Variants in DENND2D observed in about 807,000 individuals in gnomAD.
DENND2D encodes the protein DENN domain-containing protein 2D.
Under a neutral mutation model 59.8 loss-of-function variants are expected in DENND2D, and 37 were observed. The observed-to-expected ratio is 0.62, with a 90% confidence interval of 0.48 to 0.81. The LOEUF (loss-of-function observed/expected upper bound fraction) is 0.81. Among genes scored for constraint, DENND2D ranks in the 40% least tolerant of loss-of-function variants. The pLI is 0.00. For synonymous variants in DENND2D, 219 were observed against 211.3 expected (o/e 1.04, Z -0.31); for missense variants, 525 against 579.7 (o/e 0.91, Z 0.97).
intron 2 of DENND2D, 90 bp downstream of exon 2, chr1:111,199,533 G>C: frequency 6.9e-7 from 1 of 1,443,140 alleles, no homozygotes; most frequent in South Asian, 1.3e-5. Context: ...AGCCCCGGTA[G>C]GGTAGGGAGA....
In DENND2D at chr1:111,188,763, C is replaced by T. The variant is rs1657459431; in HGVS notation, c.1038G>A (p.Leu346=). The T allele has an allele frequency of 6.2e-7, 1 of 1,613,936 alleles. No homozygotes were observed. Among genetic ancestry groups the T allele is most frequent in the Non-Finnish European group, 8.5e-7 (1 of 1,180,010 alleles). ...LMSVGDEKDI[L]PPKLQDDILD... is the part of the protein sequence containing the mutation. The stretch of plus-strand genomic sequence containing the variant: ...AGATGTCATCCTGAAGCTTCGGTGG[C>T]AGGATGTCTTTTTCATCACCAACCT... Residue 346 remains leucine, a synonymous_variant, in exon 10 of 12, where the codon CTG becomes CTA. Transcript: ENST00000357640.
chr1:111,204,209 C>T, upstream of DENND2D: 1 of 1,335,680 alleles, frequency 7.5e-7, no homozygotes, highest in Non-Finnish European at 9.7e-7. Context: ...CCCCGTGCCG[C>T]CCTCCACCGG....
chr1:111,188,063 CT>C, intron 11 of DENND2D, 67 bp downstream of exon 11: 1 of 1,566,794 alleles, frequency 6.4e-7, no homozygotes, highest in Non-Finnish European at 8.6e-7. Flanking sequence ...AGTATTCTTT[CT>C]TTCCCCTCCT....
upstream of DENND2D, chr1:111,204,367 C>T (rs1235315586): frequency 7.0e-7 from 1 of 1,420,064 alleles, no homozygotes; most frequent in Non-Finnish European, 9.2e-7. Context: ...CCCTGGAGTG[C>T]CCGGCTCCCG....
At position 111,196,024 on chromosome 1, in the gene DENND2D, G is replaced by T. The variant is rs754764614; in HGVS notation, c.537C>A (p.Ile179=). The T allele has an allele frequency of 1.2e-6, 2 of 1,613,402 alleles. No individual in the cohort carries two copies. The highest frequency in any genetic ancestry group is 1.7e-6 in the Non-Finnish European group (2 of 1,179,672). ...ILDEVEKRHQ[I]SMAVIYPFMQ... is the part of the protein sequence containing the mutation. The stretch of plus-strand genomic sequence containing the variant: ...TGAACGGGTAGATGACAGCCATGGA[G>T]ATCTGATGTCTCTTCTCCACTTCAT... The change falls in exon 6 of 12, where the codon ATC becomes ATA. Residue 179 remains isoleucine (I), a synonymous_variant. Coordinates refer to ENST00000357640, the MANE Select transcript of DENND2D (RefSeq NM_024901.5).
In DENND2D at chr1:111,188,772, T is replaced by C. The variant is rs747395489; in HGVS notation, c.1029A>G (p.Lys343=). 2.5e-6 allele frequency: 4 copies of C among 1,613,656 alleles called. No homozygotes were observed. In the African/African-American group the frequency reaches 5.3e-5, roughly 22 times the overall value. The change falls in exon 10 of 12, where the codon AAA becomes AAG. Residue 343 remains lysine, a synonymous_variant. Coordinates refer to ENST00000357640, the MANE Select transcript of DENND2D (RefSeq NM_024901.5). ...GTFLMSVGDE[K]DILPPKLQDD... is the part of the protein sequence containing the mutation. ...CCTGAAGCTTCGGTGGCAGGATGTC[T>C]TTTTCATCACCAACCTAGAAGAGGA...
rs188456192 is a variant in DENND2D at position 111,194,931 on chromosome 1, C to T, written c.646-205G>A. 3.6e-3 allele frequency among the ~76,000 whole-genome samples: 553 copies of T among 152,176 alleles called. 12 individuals are homozygous for T. Among genetic ancestry groups the T allele is most frequent in the Non-Finnish European group, 8.2e-4 (56 of 68,008 alleles). On this transcript the variant is annotated intron_variant, in intron 6 of 11. Transcript: ENST00000357640. ...ATAATGTCCTGCACCCTCCCTCACT[C>T]GCCTCCCCGAGCACACGCCCCTCTC...
rs1221443137 is a variant in DENND2D at position 111,196,060 on chromosome 1, CA to C, written c.505-5del. 3 of 1,604,546 alleles carry C rather than the reference CA, an allele frequency of 1.9e-6. No homozygotes were observed. Among genetic ancestry groups the C allele is most frequent in the Non-Finnish European group, 2.6e-6 (3 of 1,174,618 alleles). On this transcript the variant is annotated splice_polypyrimidine_tract_variant and splice_region_variant and intron_variant, in intron 5 of 11. Transcript: ENST00000357640. ...TCTTCTCCACTTCATCCAGGATCTG[CA>C]GGGAAAAGAACCACGGGAGGCACGG...
intron 7 of DENND2D, among the ~76,000 whole-genome samples, chr1:111,194,307 C>T (rs937935365): frequency 2.0e-5 from 3 of 152,188 alleles, no homozygotes; most frequent in African/African-American, 7.2e-5. Context: ...CCTAACTGGT[C>T]CCACCCAGGC....
At chr1:111,195,053 G>T in intron 6 of DENND2D, 1 of 277,732 alleles carries the variant, frequency 3.6e-6, no homozygotes. Context: ...GCACTGCTCT[G>T]CTCCCTTCAT....
At chr1:111,203,807 GTGTTTGTGGC>G (rs1659038838), upstream of DENND2D, among the ~76,000 whole-genome samples, 2 of 152,178 alleles carry the variant, frequency 1.3e-5, no homozygotes, top group African/African-American at 4.8e-5. Flanking sequence ...GGGGAGACCT[GTGTTTGTGGC>G]CGGTGGCTAT....
intron 6 of DENND2D, chr1:111,195,053 G>C (rs181917410): frequency 4.8e-4 from 133 of 277,730 alleles, no homozygotes; most frequent in Non-Finnish European, 8.1e-4. Context: ...GCACTGCTCT[G>C]CTCCCTTCAT....
chr1:111,200,507 C>G lies in DENND2D; in HGVS notation c.-48G>C, dbSNP rs1026812587. 2 of 1,572,320 alleles carry G rather than the reference C, an allele frequency of 1.3e-6. No homozygotes were observed. Among genetic ancestry groups the G allele is most frequent in the Non-Finnish European group, 1.7e-6 (2 of 1,158,572 alleles). On this transcript the variant is annotated 5_prime_UTR_variant, in exon 1 of 12. Transcript: ENST00000357640. Reference sequence around the variant, plus strand: ...GGACTCCCCTCTCCCCTAACACAGACAGACTGGTGACAGTAAGCCTGAGAA... The same window carrying G: ...GGACTCCCCTCTCCCCTAACACAGAGAGACTGGTGACAGTAAGCCTGAGAA...
Position 111,197,933 on chromosome 1 carries a change from C to T in DENND2D, c.413G>A (p.Cys138Tyr). 1.2e-6 allele frequency: 2 copies of T among 1,614,012 alleles called. No individual in the cohort carries two copies. The highest frequency in any genetic ancestry group is 1.7e-6 in the Non-Finnish European group (2 of 1,180,020). Reference sequence around the variant, plus strand: ...AGCTGCACAGACCAAGAGGCGCCTGCAGTATCCAATCTTTCTGCTCCCATC... The same window carrying T: ...AGCTGCACAGACCAAGAGGCGCCTGTAGTATCCAATCTTTCTGCTCCCATC... ...NVDGSRKIGY[C>Y]RRLLPAGPGP... Residue 138 changes from cysteine to tyrosine, a missense_variant, in exon 4 of 12, where the codon TGC becomes TAC. Physicochemically the swap from Cys to Tyr is radical, Grantham distance 194. Coordinates refer to ENST00000357640, the MANE Select transcript of DENND2D (RefSeq NM_024901.5).
chr1:111,200,093 G>A (rs962444224), intron 1 of DENND2D: 9 of 553,732 alleles, frequency 1.6e-5, no homozygotes, highest in South Asian at 4.6e-5. Context: ...GGGTACCACA[G>A]AGACTGCCTA....
rs145695008 is a variant in DENND2D, at chr1:111,200,414, G to A, written c.46C>T (p.Arg16Ter). The change falls in exon 1 of 12, where the codon CGA becomes TGA. Residue 16 changes from arginine to a stop codon, truncating the protein, a stop_gained. Coordinates refer to ENST00000357640, the MANE Select transcript of DENND2D (RefSeq NM_024901.5). LOFTEE classifies it high-confidence loss of function. Reference protein sequence around the residue: ...VGRVFRLFQRRLLQLRAGPPQ... With the variant: ...VGRVFRLFQR ...TGACCTGCTCGGAGTTGAAGCAGTC[G>A]GCGTTGGAAGAGCCTGAACACCCGG... 1.1e-3 allele frequency: 1,779 copies of A among 1,612,400 alleles called. 2 individuals carry two copies. Among genetic ancestry groups the A allele is most frequent in the Non-Finnish European group, 1.1e-3 (1,335 of 1,179,192 alleles).
At chr1:111,196,978 G>A in intron 5 of DENND2D, 198 bp downstream of exon 5, 1 of 587,926 alleles carries the variant, frequency 1.7e-6, no homozygotes, top group South Asian at 2.1e-5. Context: ...CTCTGCAAGA[G>A]GTCCAGTCCC....
intron 6 of DENND2D, 140 bp from the exon 7 acceptor site, chr1:111,194,866 T>A: frequency 1.1e-6 from 1 of 921,496 alleles, no homozygotes; most frequent in Non-Finnish European, 1.6e-6. Flanking sequence ...CCCTGCTAAT[T>A]GGCTGGAGGA....
chr1:111,198,488 C>T, intron 3 of DENND2D, 142 bp downstream of exon 3: 1 of 768,780 alleles, frequency 1.3e-6, no homozygotes, highest in Non-Finnish European at 2.1e-6. Flanking sequence ...GACCCCAGGC[C>T]AGATGTTTTC....
Sources: gnomAD v4.1 joint callset for allele counts (sites outside exome capture counted in the v4.1 genomes callset) on GRCh38, gnomAD v4.1.1 for gene constraint, MANE v1.5 for transcripts, NCBI Gene and HGNC (gene_info 2026-07-23, HGNC 2026-07-21) for gene names.